UBE4A: variants seen among roughly 807,000 people sequenced by gnomAD.
UBE4A encodes ubiquitin conjugation factor E4 A.
A neutral mutation model predicts 117.9 loss-of-function variants in UBE4A; 48 were observed. That is an observed-to-expected ratio of 0.41 (90% confidence interval 0.32 to 0.52). UBE4A has a LOEUF of 0.52. Ranked by LOEUF, UBE4A falls within the 20% of genes least tolerant of loss-of-function variation. UBE4A has a pLI of 0.33. For missense variants in UBE4A, 1,067 were observed against 1,296.3 expected (o/e 0.82, Z 2.72); for synonymous variants, 407 against 450.0 (o/e 0.90, Z 1.21).
chr11:118,361,128 C>T (rs1030198502), intron 1 of UBE4A, among the ~76,000 whole-genome samples: 1 of 151,522 alleles, frequency 6.6e-6, no homozygotes, highest in African/African-American at 2.4e-5. Flanking sequence ...AGTGATTCTC[C>T]TGCCTCAGCC....
At chr11:118,368,929 CAG>C (rs1948586563) in intron 3 of UBE4A, 125 bp downstream of exon 3, 2 of 966,966 alleles carry the variant, frequency 2.1e-6, no homozygotes, top group Admixed American at 2.4e-5. Context: ...CCCTGGAACT[CAG>C]GGTTTATATT....
At chr11:118,367,874 C>T (rs572129112) in intron 2 of UBE4A, among the ~76,000 whole-genome samples, 8 of 152,252 alleles carry the variant, frequency 5.3e-5, no homozygotes, top group South Asian at 4.1e-4. Flanking sequence ...TATAGAAATA[C>T]TCATACAAGT....
chr11:118,364,007 C>T (rs1948543397), intron 1 of UBE4A, among the ~76,000 whole-genome samples: 1 of 152,062 alleles, frequency 6.6e-6, no homozygotes, highest in Non-Finnish European at 1.5e-5. Flanking sequence ...TTCCTTTATA[C>T]CCCTACTCCC....
intron 8 of UBE4A, among the ~76,000 whole-genome samples, chr11:118,373,901 G>C (rs1948629640): frequency 6.6e-6 from 1 of 152,136 alleles, no homozygotes; most frequent in Non-Finnish European, 1.5e-5. Context: ...GAGCCCAGGA[G>C]TTCAATTTGA....
chr11:118,360,796 T>C (rs934187070), intron 1 of UBE4A, among the ~76,000 whole-genome samples: 4 of 152,124 alleles, frequency 2.6e-5, no homozygotes, highest in African/African-American at 9.7e-5. Flanking sequence ...ATTATAGATA[T>C]AGATCTTTGC....
At position 118,368,674 on chromosome 11, in the gene UBE4A, A is replaced by C. The variant is rs1277945668; in HGVS notation, c.165A>C (p.Ser55=). 3.1e-6 allele frequency: 5 copies of C among 1,614,224 alleles called. No individual in the cohort carries two copies. The highest frequency in any genetic ancestry group is 4.2e-6 in the Non-Finnish European group (5 of 1,180,034). ...ASPDDSDNSV[S]ESLDEFDYSV... ...CAGATGACTCGGATAATAGCGTGTCAGAGAGCCTGGATGAATTCGATTACT... is the reference window on the plus strand; with the variant it reads ...CAGATGACTCGGATAATAGCGTGTCCGAGAGCCTGGATGAATTCGATTACT... The change falls in exon 3 of 20, where the codon TCA becomes TCC. Residue 55 remains serine (S), a synonymous_variant. Transcript: ENST00000252108.
At position 118,396,515 on chromosome 11, in the gene UBE4A, G is replaced by A. The variant is rs557443379; in HGVS notation, c.*75G>A. On this transcript the variant is annotated 3_prime_UTR_variant, in exon 20 of 20. Transcript: ENST00000252108. The stretch of plus-strand genomic sequence containing the variant: ...ATTGTTTGTGGTTTCTCTCTTTCTG[G>A]TTCTGTTCCTTTTCTTTCTTCTTTT... 134 of 1,460,404 alleles carry A rather than the reference G, an allele frequency of 9.2e-5. No individual in the cohort carries two copies. The highest frequency in any genetic ancestry group is 1.9e-4 in the Admixed American group (7 of 37,828). The allele number at this position is 1,460,404 out of a possible 1,614,324, so 90.5% of individuals were successfully genotyped here. A position where few individuals can be genotyped will look rare whatever the true frequency, so the allele number is the denominator to read the frequency against.
chr11:118,369,647 T>C, intron 4 of UBE4A, 112 bp downstream of exon 4: 1 of 128,844 alleles, frequency 7.8e-6, no homozygotes, highest in Non-Finnish European at 1.6e-5. Context: ...TCCCTCTCTC[T>C]TTTTTTTTTT....
intron 19 of UBE4A, among the ~76,000 whole-genome samples, chr11:118,393,651 A>G (rs1328509212): frequency 2.6e-5 from 4 of 151,796 alleles, no homozygotes; most frequent in Non-Finnish European, 5.9e-5. Context: ...GCTAGAGTGC[A>G]GTGGCGCGAT....
intron 1 of UBE4A, among the ~76,000 whole-genome samples, chr11:118,364,637 A>G (rs1046890284): frequency 1.6e-4 from 24 of 152,218 alleles, no homozygotes; most frequent in African/African-American, 5.8e-4. Flanking sequence ...TGCCAGCTTA[A>G]TTCTTGGGAA....
chr11:118,377,509 GT>G (rs1555125558), intron 10 of UBE4A, among the ~76,000 whole-genome samples: 1 of 151,964 alleles, frequency 6.6e-6, no homozygotes, highest in African/African-American at 2.4e-5. Context: ...TGCCTGGCCT[GT>G]TTTTTAACTT....
rs782780071 is a variant in UBE4A, at chr11:118,390,677, C to T, written c.2789C>T (p.Ala930Val). 1 of 1,525,980 alleles carries T rather than the reference C, an allele frequency of 6.6e-7. No homozygotes were observed. The highest frequency in any genetic ancestry group is 2.1e-5 in the Admixed American group (1 of 46,916). The allele number at this position is 1,525,980 out of a possible 1,614,324, so 94.5% of individuals were successfully genotyped here. ...LNLGDEENFC[A>V]TVPKDGRSYS... ...TCCAGGGATGAGGAGAATTTCTGTG[C>T]CACTGTGCCCAAGGATGGACGTTCC... The change falls in exon 18 of 20, where the codon GCC (alanine) becomes GTC (valine). Residue 930 changes from alanine to valine, a missense_variant. By Grantham distance (64) the Ala-to-Val change is moderately conservative. Around this residue, in one of 3 missense-constraint regions of UBE4A, gnomAD observed 1,001 missense variants for 1,184.0 expected, o/e 0.85. Coordinates refer to ENST00000252108, the MANE Select transcript of UBE4A (RefSeq NM_001204077.2).
chr11:118,398,487 C>CTT lies in UBE4A; in HGVS notation c.*2052_*2053dup, dbSNP rs1220352113. ...TAAGGAAACCAAGTGTCCTCTGTGC[C>CTT]TTTTTTCTTTCTGTGAAGTAATTTA... On this transcript the variant is annotated 3_prime_UTR_variant, in exon 20 of 20. Transcript: ENST00000252108. 24 of 152,700 alleles carry CTT rather than the reference C, an allele frequency of 1.6e-4. No individual in the cohort carries two copies. Among genetic ancestry groups the CTT allele is most frequent in the African/African-American group, 5.5e-4 (23 of 41,534 alleles). 9.5% of individuals were successfully genotyped at this position (152,700 alleles called of 1,614,324 possible).
chr11:118,369,646 C>CTTT (rs758717041), intron 4 of UBE4A, 111 bp downstream of exon 4: 119 of 491,918 alleles, frequency 2.4e-4, no homozygotes, highest in African/African-American at 1.9e-3. Context: ...ATCCCTCTCT[C>CTTT]TTTTTTTTTT....
In UBE4A at chr11:118,368,784, T is replaced by A; in HGVS notation, c.275T>A (p.Phe92Tyr). The change falls in exon 3 of 20, where the codon TTC becomes TAC. Residue 92 changes from phenylalanine (F) to tyrosine (Y), a missense_variant. Physicochemically the swap from Phe to Tyr is conservative, Grantham distance 22 (BLOSUM62 3). This residue lies in a region of UBE4A where 1,001 missense variants were observed against 1,184.0 expected (regional missense o/e 0.85). Transcript: ENST00000252108. Reference sequence around the variant, plus strand: ...ATCAATCACATGATCCAAAGGATCTTCCTTATTACTCTGGACAACAGTGAG... The same window carrying A: ...ATCAATCACATGATCCAAAGGATCTACCTTATTACTCTGGACAACAGTGAG... Reference protein sequence around the residue: ...LNINHMIQRIFLITLDNSDPS... With the variant: ...LNINHMIQRIYLITLDNSDPS... 6.2e-7 allele frequency: 1 copy of A among 1,614,198 alleles called. No homozygotes were observed. The highest frequency in any genetic ancestry group is 8.5e-7 in the Non-Finnish European group (1 of 1,180,036).
intron 1 of UBE4A, among the ~76,000 whole-genome samples, chr11:118,360,495 A>G (rs1014792516): frequency 2.0e-5 from 3 of 152,260 alleles, no homozygotes; most frequent in Admixed American, 2.0e-4. Context: ...GACAACGAAA[A>G]TTGTTTCTTA....
chr11:118,363,194 T>C (rs1948533762), intron 1 of UBE4A, among the ~76,000 whole-genome samples: 1 of 152,080 alleles, frequency 6.6e-6, no homozygotes, highest in African/African-American at 2.4e-5. Flanking sequence ...CTAAATATGG[T>C]ATCTTTCCCT....
In UBE4A at chr11:118,372,636, G is replaced by A. The variant is rs1319540542; in HGVS notation, c.691G>A (p.Asp231Asn). 6.2e-7 allele frequency: 1 copy of A among 1,614,024 alleles called. No individual in the cohort carries two copies. Among genetic ancestry groups the A allele is most frequent in the South Asian group, 1.1e-5 (1 of 91,086 alleles). The change falls in exon 6 of 20, where the codon GAT becomes AAT. Residue 231 changes from aspartate to asparagine, a missense_variant. Coordinates refer to ENST00000252108, the MANE Select transcript of UBE4A (RefSeq NM_001204077.2). ...VDQNIHEQLV[D>N]LMLEAIQGAH... is the part of the protein sequence containing the mutation. ...CCAAAACATCCATGAGCAACTGGTA[G>A]ATTTGATGTTAGAAGCCATCCAGGG...
chr11:118,397,792 ATAG>A lies in UBE4A; in HGVS notation c.*1357_*1359del, dbSNP rs1209620562. On this transcript the variant is annotated 3_prime_UTR_variant, in exon 20 of 20. Coordinates refer to ENST00000252108, the MANE Select transcript of UBE4A (RefSeq NM_001204077.2). Reference sequence around the variant, plus strand: ...ATTAACTATGGTCTCTTTCAAATAAATAGTAGTTTTATATTTCAACACAAGTTG... The same window carrying A: ...ATTAACTATGGTCTCTTTCAAATAAATAGTTTTATATTTCAACACAAGTTG... 8.5e-5 allele frequency: 13 copies of A among 152,226 alleles called. No individual in the cohort carries two copies. Among genetic ancestry groups the A allele is most frequent in the Admixed American group, 7.9e-4 (12 of 15,274 alleles). The allele number at this position is 152,226 out of a possible 1,614,324, so 9.4% of individuals were successfully genotyped here. A position where few individuals can be genotyped will look rare whatever the true frequency, so the allele number is the denominator to read the frequency against.
Sources: gnomAD v4.1 joint callset for allele counts (sites outside exome capture counted in the v4.1 genomes callset) on GRCh38, gnomAD v4.1.1 for gene constraint, gnomAD v4.1.1 regional missense constraint, MANE v1.5 for transcripts, NCBI Gene and HGNC (gene_info 2026-07-23, HGNC 2026-07-21) for gene names.